The following WDR19 variants were observed in gnomAD, a reference collection of about 807,000 sequenced individuals.
WDR19 encodes WD repeat domain 19.
Under a neutral mutation model 180.0 loss-of-function variants are expected in WDR19, and 121 were observed. The ratio of observed to expected loss-of-function variants is 0.67; its 90% CI spans 0.58 to 0.78. The LOEUF (loss-of-function observed/expected upper bound fraction) is 0.78. WDR19 is among the 30% of genes least tolerant of loss of function. The probability of loss-of-function intolerance (pLI) is 0.00; values close to 1 mark genes in which losing one functional copy is unlikely to be tolerated. For synonymous variants in WDR19, 497 were observed against 540.7 expected (o/e 0.92, Z 1.12); for missense variants, 1,450 against 1,640.7 (o/e 0.88, Z 2.01).
chr4:39,252,834 A>T (rs1167142814), intron 24 of WDR19, among the ~76,000 whole-genome samples: 1 of 152,110 alleles, frequency 6.6e-6, no homozygotes, highest in Non-Finnish European at 1.5e-5. Context: ...AAAAAAATCT[A>T]CATTTTCTAT....
chr4:39,227,354 T>A (rs912930374), intron 15 of WDR19, among the ~76,000 whole-genome samples: 2 of 152,206 alleles, frequency 1.3e-5, no homozygotes, highest in Non-Finnish European at 2.9e-5. Context: ...TTATATGGAC[T>A]GATTTTTGTA....
At chr4:39,231,770 G>T (rs1375456046) in intron 17 of WDR19, 27 bp from the exon 18 acceptor site, 1 of 1,546,350 alleles carries the variant, frequency 6.5e-7, no homozygotes, top group South Asian at 1.3e-5. Context: ...GGAACATTCT[G>T]ATTAAGCTTA....
In WDR19 at chr4:39,278,179, T is replaced by C. The variant is rs776822526; in HGVS notation, c.3889T>C (p.Phe1297Leu). 3 of 1,607,114 alleles carry C rather than the reference T, an allele frequency of 1.9e-6. No individual in the cohort carries two copies. Among genetic ancestry groups the C allele is most frequent in the Non-Finnish European group, 2.5e-6 (3 of 1,176,816 alleles). ...DDWTVCPHCDFPALYSELKIM... is the reference protein window; with the variant it reads ...DDWTVCPHCDLPALYSELKIM... ...CTGGACGGTGTGTCCACATTGTGAC[T>C]TCCCTGCTCTATACTCAGAATTGAA... The change falls in exon 35 of 37, where the codon TTC (phenylalanine) becomes CTC (leucine). Residue 1297 changes from phenylalanine to leucine, a missense_variant. Transcript: ENST00000399820.
rs867959234 is a variant in WDR19, at chr4:39,189,603, G to T, written c.165-53G>T. ...TTGTTATAGACAAAAATCACAAATAGTAATTTTACTTTAAAAAACTGTATA... is the reference window on the plus strand; with the variant it reads ...TTGTTATAGACAAAAATCACAAATATTAATTTTACTTTAAAAAACTGTATA... On this transcript the variant is annotated intron_variant, in intron 3 of 36. Transcript: ENST00000399820. The T allele has an allele frequency of 1.8e-5, 26 of 1,448,530 alleles. No individual in the cohort carries two copies. In the Middle Eastern group the frequency reaches 2.4e-3, roughly 133 times the overall value. 89.7% of individuals were successfully genotyped at this position (1,448,530 alleles called of 1,614,324 possible). A position where few individuals can be genotyped will look rare whatever the true frequency, so the allele number is the denominator to read the frequency against.
intron 4 of WDR19, among the ~76,000 whole-genome samples, chr4:39,194,167 A>C (rs772454311): frequency 6.6e-6 from 1 of 152,114 alleles, no homozygotes; most frequent in Admixed American, 6.6e-5. Flanking sequence ...TTAATATGTT[A>C]TTGGGTGCCA....
At chr4:39,249,872 A>C (rs377597697) in intron 24 of WDR19, among the ~76,000 whole-genome samples, 3 of 152,130 alleles carry the variant, frequency 2.0e-5, no homozygotes, top group Non-Finnish European at 2.9e-5. Context: ...CAACCAAAAA[A>C]AGTCCAGGAC....
intron 29 of WDR19, 142 bp downstream of exon 29, chr4:39,266,282 G>C (rs368416694): frequency 1.7e-6 from 1 of 575,248 alleles, no homozygotes; most frequent in Non-Finnish European, 2.8e-6. Flanking sequence ...GACCAGGAGC[G>C]TCCAATCTTT....
At chr4:39,271,193 G>A (rs764906229) in intron 31 of WDR19, among the ~76,000 whole-genome samples, 38 of 152,110 alleles carry the variant, frequency 2.5e-4, no homozygotes, top group African/African-American at 6.8e-4. Flanking sequence ...CACTGTGCCC[G>A]GCCAGAAAAG....
chr4:39,185,268 A>G (rs1245236069), intron 1 of WDR19, among the ~76,000 whole-genome samples: 1 of 152,232 alleles, frequency 6.6e-6, no homozygotes, highest in Non-Finnish European at 1.5e-5. Flanking sequence ...TAATGGAACT[A>G]ATAGAAGAAA....
chr4:39,228,156 A>G (rs1730469926), intron 15 of WDR19, 54 bp from the exon 16 acceptor site: 2 of 1,592,662 alleles, frequency 1.3e-6, no homozygotes, highest in Admixed American at 1.7e-5. Context: ...ACCACGGCAA[A>G]TGATAATGAT....
chr4:39,194,658 T>C lies in WDR19; in HGVS notation c.405T>C (p.Leu135=), dbSNP rs757443815. Residue 135 remains leucine (L), a splice_region_variant and synonymous_variant, in exon 5 of 37, where the codon CTT becomes CTC. Transcript: ENST00000399820. ...NHQTSRKIPV[L]GKHTKRITCG... ...AGACATCTCGAAAGATTCCTGTCCT[T>C]GGTAGGTGATAGCTGGAAACACTGC... 9.4e-6 allele frequency: 15 copies of C among 1,592,988 alleles called. No individual in the cohort carries two copies. The highest frequency in any genetic ancestry group is 1.2e-5 in the Non-Finnish European group (14 of 1,162,690).
chr4:39,222,043 A>G (rs1399275574), intron 14 of WDR19, among the ~76,000 whole-genome samples: 2 of 152,150 alleles, frequency 1.3e-5, no homozygotes, highest in African/African-American at 4.8e-5. Context: ...ATTCCCATCA[A>G]CAGTGTGTGA....
chr4:39,257,378 A>AT, intron 27 of WDR19, 108 bp from the exon 28 acceptor site: 4 of 1,027,402 alleles, frequency 3.9e-6, no homozygotes, highest in Non-Finnish European at 4.4e-6. Context: ...TGAGATGAAG[A>AT]TACTTTCACA....
intron 28 of WDR19, among the ~76,000 whole-genome samples, chr4:39,261,435 A>G (rs1331072589): frequency 6.6e-6 from 1 of 152,162 alleles, no homozygotes; most frequent in Non-Finnish European, 1.5e-5. Flanking sequence ...GGGGTGTCCA[A>G]TCTTTTGACT....
At chr4:39,284,645 TAAAAAAAAA>T (rs144371093) in intron 36 of WDR19, among the ~76,000 whole-genome samples, 1 of 132,168 alleles carries the variant, frequency 7.6e-6, no homozygotes, top group Non-Finnish European at 1.6e-5. Flanking sequence ...CCTGGCTTTC[TAAAAAAAAA>T]AAAAAAAAAA....
At chr4:39,234,697 T>C (rs1197731364) in intron 19 of WDR19, 69 bp from the exon 20 acceptor site, 2 of 935,330 alleles carry the variant, frequency 2.1e-6, no homozygotes, top group Non-Finnish European at 3.4e-6. Context: ...TTATTAAAAC[T>C]AGCTCTTTGT....
At chr4:39,239,964 A>G (rs1254728574) in intron 20 of WDR19, among the ~76,000 whole-genome samples, 2 of 152,084 alleles carry the variant, frequency 1.3e-5, no homozygotes, top group Non-Finnish European at 2.9e-5. Context: ...TTTGAGTCCA[A>G]GAGTTCAAGA....
At chr4:39,217,930 T>C in intron 13 of WDR19, 53 bp from the exon 14 acceptor site, 1 of 1,602,324 alleles carries the variant, frequency 6.2e-7, no homozygotes, top group Non-Finnish European at 8.5e-7. Flanking sequence ...AGATGTTGTA[T>C]AGATGGTTTA....
chr4:39,270,895 AT>A (rs33964549), intron 31 of WDR19, among the ~76,000 whole-genome samples: 27 of 136,928 alleles, frequency 2.0e-4, no homozygotes, highest in African/African-American at 5.5e-4. Context: ...ATAGAAAAGA[AT>A]TTTTTTTTTT....
Sources: allele counts gnomAD v4.1 joint callset (sites outside exome capture counted in the v4.1 genomes callset), GRCh38; gene constraint gnomAD v4.1.1; transcripts MANE v1.5; gene names NCBI Gene and HGNC (gene_info 2026-07-23, HGNC 2026-07-21).